The following FMN1 variants were observed in gnomAD, a reference collection of about 807,000 sequenced individuals.
FMN1 encodes formin-1.
In FMN1, 110 loss-of-function variants were observed where a neutral mutation model predicts 132.4. The observed-to-expected ratio is 0.83, with a 90% CI of 0.71 to 0.97. The LOEUF is 0.97. FMN1 is among the 50% of genes least tolerant of loss of function. The pLI, the probability that FMN1 is intolerant of heterozygous loss-of-function variation, is 0.00. For missense variants in FMN1, 1,792 were observed against 1,705.3 expected, an observed-to-expected ratio of 1.05 and a Z score of -0.90; for synonymous variants, 722 against 651.7, an observed-to-expected ratio of 1.11 and a Z score of -1.64.
chr15:32,792,147 C>T (rs555630597), intron 19 of FMN1, among the ~76,000 whole-genome samples: 5 of 151,858 alleles, frequency 3.3e-5, no homozygotes, highest in South Asian at 4.2e-4. Context: ...CGAGGCATTT[C>T]GAGATGGAGG....
chr15:32,908,845 A>G (rs1447951742), intron 11 of FMN1, among the ~76,000 whole-genome samples: 3 of 152,168 alleles, frequency 2.0e-5, no homozygotes, highest in Non-Finnish European at 4.4e-5. Context: ...TGGACCTAAC[A>G]AGTACACGCA....
At chr15:32,814,795 A>T (rs1211338441) in intron 17 of FMN1, among the ~76,000 whole-genome samples, 1 of 152,174 alleles carries the variant, frequency 6.6e-6, no homozygotes, top group Non-Finnish European at 1.5e-5. Context: ...TTTGTATTCA[A>T]ATGCTTAGCA....
chr15:32,855,157 TAA>T (rs750275479), intron 17 of FMN1, among the ~76,000 whole-genome samples: 5,457 of 85,448 alleles, frequency 0.064, 345 homozygotes, highest in African/African-American at 0.2. Context: ...ACGTGGAGAG[TAA>T]AAAAAAAAAA....
rs75069164 is a variant in FMN1 at position 32,875,881 on chromosome 15, C to T, written c.3835+12291G>A. Among the ~76,000 whole-genome samples the T allele has an allele frequency of 6.7e-3, 1,021 of 152,272 alleles. 41 individuals are homozygous for T. The highest frequency in any genetic ancestry group is 0.057 in the Admixed American group (872 of 15,298). On this transcript the variant is annotated intron_variant, in intron 16 of 20. Transcript: ENST00000616417. ...CAAGCTCATGGTATGGTAGCTTGGG[C>T]GCTGGCTTGGCAGTCAAGGACCTGA...
intron 20 of FMN1, among the ~76,000 whole-genome samples, chr15:32,774,947 A>G (rs2056368723): frequency 6.6e-6 from 1 of 152,170 alleles, no homozygotes; most frequent in Admixed American, 6.5e-5. Flanking sequence ...GGAAGACGTA[A>G]GAATACACAG....
rs373784791 is a variant in FMN1 at position 33,066,694 on chromosome 15, C to T, written c.2044-1620G>A. On this transcript the variant is annotated intron_variant, in intron 5 of 20. Coordinates refer to ENST00000616417, the MANE Select transcript of FMN1 (RefSeq NM_001277313.2). Reference sequence around the variant, plus strand: ...TAAAAGCCTCCAGGGCTGTCTCTGGCGACTTTGGCTTGACCTCACCACCCT... The same window carrying T: ...TAAAAGCCTCCAGGGCTGTCTCTGGTGACTTTGGCTTGACCTCACCACCCT... The T allele has an allele frequency of 5.5e-5, 89 of 1,613,418 alleles. 1 individual carries two copies. The Middle Eastern group carries it at 6.6e-4, about 12-fold the overall frequency.
At chr15:33,124,351 C>T (rs1475435954) in intron 4 of FMN1, among the ~76,000 whole-genome samples, 9 of 152,190 alleles carry the variant, frequency 5.9e-5, no homozygotes, top group Admixed American at 4.6e-4. Context: ...ATAGCCTCTC[C>T]GGGCTACTTC....
chr15:32,966,080 G>A (rs2031196049), intron 8 of FMN1, among the ~76,000 whole-genome samples: 2 of 152,140 alleles, frequency 1.3e-5, no homozygotes, highest in Admixed American at 6.6e-5. Context: ...GCCTTGGGAA[G>A]GTTCTGGGCA....
intron 7 of FMN1, among the ~76,000 whole-genome samples, chr15:32,980,450 G>T (rs2032564588): frequency 6.6e-6 from 1 of 152,140 alleles, no homozygotes; most frequent in Admixed American, 6.6e-5. Context: ...ATCCAAAGAG[G>T]TGCTTCAGTT....
chr15:33,153,515 T>C lies in FMN1; in HGVS notation c.1400A>G (p.His467Arg), dbSNP rs1595573485. The C allele has an allele frequency of 2.0e-6, 3 of 1,536,438 alleles. No homozygotes were observed. Among genetic ancestry groups the C allele is most frequent in the Non-Finnish European group, 2.6e-6 (3 of 1,146,966 alleles). Residue 467 changes from histidine to arginine, a missense_variant, in exon 4 of 21, where the codon CAC (histidine) becomes CGC (arginine). His to Arg is a conservative substitution (Grantham distance 29). This residue lies in a region of FMN1 where 638 missense variants were observed against 645.2 expected (regional missense o/e 0.99). Transcript: ENST00000616417. Reference sequence around the variant, plus strand: ...GGGCAGATCCAGAAACAAGGACTTGTGGCCACCAAGGGGCAACCCGGCTCT... The same window carrying C: ...GGGCAGATCCAGAAACAAGGACTTGCGGCCACCAAGGGGCAACCCGGCTCT... ...KRRAGLPLGGHKSLFLDLPHK... is the reference protein window; with the variant it reads ...KRRAGLPLGGRKSLFLDLPHK...
chr15:32,971,371 G>C (rs763089672), intron 7 of FMN1, among the ~76,000 whole-genome samples: 2 of 152,148 alleles, frequency 1.3e-5, no homozygotes, highest in South Asian at 2.1e-4. Context: ...TCAAAATCAG[G>C]ATAAGCAAAG....
chr15:33,068,007 G>C (rs1208699981), intron 5 of FMN1: 1 of 1,455,748 alleles, frequency 6.9e-7, no homozygotes, highest in East Asian at 2.4e-5. Flanking sequence ...GAGTCAGGCT[G>C]TCAGCCGCAC....
chr15:33,073,425 T>G (rs572388251), intron 5 of FMN1, among the ~76,000 whole-genome samples: 8 of 152,296 alleles, frequency 5.3e-5, no homozygotes, highest in African/African-American at 1.9e-4. Context: ...AGGAAACTAT[T>G]TCTGCAGGTG....
At chr15:32,889,625 C>T (rs1332208081) in intron 15 of FMN1, among the ~76,000 whole-genome samples, 1 of 152,146 alleles carries the variant, frequency 6.6e-6, no homozygotes, top group East Asian at 1.9e-4. Context: ...TTCCCTAGTG[C>T]CTCCTTACAC....
intron 4 of FMN1, among the ~76,000 whole-genome samples, chr15:33,152,733 T>C (rs1011965672): frequency 4.1e-5 from 6 of 146,302 alleles, no homozygotes; most frequent in Admixed American, 1.4e-4. Flanking sequence ...TGCCTGTTCC[T>C]GTTTTCCTTT....
intron 7 of FMN1, among the ~76,000 whole-genome samples, chr15:33,001,851 CACCACTCA>C (rs879454174): frequency 3.9e-5 from 6 of 151,978 alleles, no homozygotes; most frequent in Non-Finnish European, 5.9e-5. Context: ...TTCCATACTG[CACCACTCA>C]ACGAATGCTG....
chr15:33,108,601 C>T (rs1265383321), intron 4 of FMN1, among the ~76,000 whole-genome samples: 1 of 152,030 alleles, frequency 6.6e-6, no homozygotes, highest in Non-Finnish European at 1.5e-5. Context: ...TAAAAGGCTA[C>T]TATATAATGA....
At chr15:32,839,682 C>A (rs767262256) in intron 17 of FMN1, among the ~76,000 whole-genome samples, 1 of 151,674 alleles carries the variant, frequency 6.6e-6, no homozygotes, top group Admixed American at 6.6e-5. Context: ...ATGGCTTGCA[C>A]CCATCAGTGT....
chr15:32,988,061 T>C (rs1042878261), intron 7 of FMN1, among the ~76,000 whole-genome samples: 4 of 150,428 alleles, frequency 2.7e-5, no homozygotes. Context: ...TTTTTTTTTT[T>C]TTTTTTTTTC....
Sources: allele counts gnomAD v4.1 joint callset (sites outside exome capture counted in the v4.1 genomes callset), GRCh38; gene constraint gnomAD v4.1.1; regional missense constraint gnomAD v4.1.1; transcripts MANE v1.5; gene names NCBI Gene and HGNC (gene_info 2026-07-23, HGNC 2026-07-21).